The following QTMAN variants were observed in gnomAD, a reference collection of about 807,000 sequenced individuals.
The protein encoded by QTMAN is queuosine-tRNA mannosyltransferase.
the QTMAN span, among the ~76,000 whole-genome samples, chr2:144,179,781 G>A: frequency 9.2e-5 from 14 of 152,304 alleles, no homozygotes; most frequent in South Asian, 2.3e-3. Flanking sequence ...TAATAAATAA[G>A]GGTCTCAGTG....
the QTMAN span, among the ~76,000 whole-genome samples, chr2:144,107,814 T>C: frequency 6.6e-6 from 1 of 152,204 alleles, no homozygotes; most frequent in Non-Finnish European, 1.5e-5. Context: ...AAGAGAATTT[T>C]AGGTCAATAT....
chr2:144,305,505 T>C, the QTMAN span, among the ~76,000 whole-genome samples: 13 of 152,318 alleles, frequency 8.5e-5, no homozygotes, highest in South Asian at 2.3e-3. Flanking sequence ...TACTGTAGCT[T>C]TGTATTAAGT....
chr2:144,016,101 T>A, the QTMAN span, among the ~76,000 whole-genome samples: 1 of 152,164 alleles, frequency 6.6e-6, no homozygotes, highest in Non-Finnish European at 1.5e-5. Flanking sequence ...GTTGACTCAG[T>A]TAGCAAATAT....
the QTMAN span, among the ~76,000 whole-genome samples, chr2:144,134,418 G>A: frequency 6.6e-6 from 1 of 152,102 alleles, no homozygotes; most frequent in Non-Finnish European, 1.5e-5. Flanking sequence ...TTTGATAAAT[G>A]AGATTACCCC....
At chr2:144,298,951 C>A in the QTMAN span, among the ~76,000 whole-genome samples, 1 of 152,160 alleles carries the variant, frequency 6.6e-6, no homozygotes, top group Non-Finnish European at 1.5e-5. Flanking sequence ...CCTGGTGGTA[C>A]ACAAACAGCC....
At chr2:144,109,980 T>C in the QTMAN span, among the ~76,000 whole-genome samples, 1 of 152,234 alleles carries the variant, frequency 6.6e-6, no homozygotes, top group East Asian at 1.9e-4. Context: ...GAAGACAGTG[T>C]GGCGATTCCT....
chr2:144,146,863 T>C, the QTMAN span, among the ~76,000 whole-genome samples: 1 of 151,880 alleles, frequency 6.6e-6, no homozygotes, highest in African/African-American at 2.4e-5. Context: ...TTTTCTAGGA[T>C]CACACTGGTA....
At chr2:144,245,208 A>G in the QTMAN span, among the ~76,000 whole-genome samples, 1 of 152,246 alleles carries the variant, frequency 6.6e-6, no homozygotes, top group East Asian at 1.9e-4. Context: ...CATCTTGGAA[A>G]GTAAAGACTC....
the QTMAN span, chr2:144,332,672 G>A: frequency 7.2e-5 from 11 of 151,794 alleles, no homozygotes; most frequent in African/African-American, 2.7e-4. Context: ...CGAGGTCCCT[G>A]AGTCAGCGGC....
the QTMAN span, among the ~76,000 whole-genome samples, chr2:144,293,599 G>T: frequency 3.3e-5 from 5 of 152,262 alleles, 1 homozygote; most frequent in South Asian, 1.0e-3. Context: ...ATTTCAAACT[G>T]AACTAAGTAA....
At chr2:144,080,610 C>CT in the QTMAN span, among the ~76,000 whole-genome samples, 2 of 152,182 alleles carry the variant, frequency 1.3e-5, no homozygotes, top group African/African-American at 4.8e-5. Context: ...TAAAATGTTG[C>CT]TCACTGAATT....
chr2:144,040,822 C>G, the QTMAN span, among the ~76,000 whole-genome samples: 1 of 152,120 alleles, frequency 6.6e-6, no homozygotes, highest in East Asian at 1.9e-4. Flanking sequence ...TGACTCAAAG[C>G]TTCTTACTCA....
chr2:144,256,475 T>C, the QTMAN span, among the ~76,000 whole-genome samples: 7 of 152,202 alleles, frequency 4.6e-5, no homozygotes, highest in South Asian at 4.1e-4. Flanking sequence ...TTTTAAAAAT[T>C]CATGCATAAA....
At chr2:144,295,331 G>A in the QTMAN span, 1 of 152,206 alleles carries the variant, frequency 6.6e-6, no homozygotes, top group Non-Finnish European at 1.5e-5. Flanking sequence ...CTCTGCTAGA[G>A]ATAGAGAGCA....
At chr2:144,042,686 C>A in the QTMAN span, among the ~76,000 whole-genome samples, 3 of 151,260 alleles carry the variant, frequency 2.0e-5, no homozygotes, top group African/African-American at 4.9e-5. Flanking sequence ...ATGGCGTGAA[C>A]CCGGAAGGCG....
the QTMAN span, among the ~76,000 whole-genome samples, chr2:144,081,239 T>C: frequency 6.6e-6 from 1 of 152,068 alleles, no homozygotes; most frequent in Non-Finnish European, 1.5e-5. Flanking sequence ...AGAGAGGTTG[T>C]CCTGAGGGTT....
the QTMAN span, among the ~76,000 whole-genome samples, chr2:144,275,052 GA>G: frequency 6.6e-6 from 1 of 151,652 alleles, no homozygotes; most frequent in South Asian, 2.1e-4. Flanking sequence ...ATGAGAATAA[GA>G]AAAAAAAGTT....
At chr2:144,084,161 C>T in the QTMAN span, among the ~76,000 whole-genome samples, 2 of 152,186 alleles carry the variant, frequency 1.3e-5, no homozygotes, top group South Asian at 2.1e-4. Flanking sequence ...GCCACGAGGA[C>T]CAGTATTCTT....
chr2:144,208,839 T>C, the QTMAN span: 1 of 1,251,956 alleles, frequency 8.0e-7, no homozygotes, highest in East Asian at 2.4e-5. Flanking sequence ...ATTTTTTCCA[T>C]TACATACATG....
Sources: allele counts gnomAD v4.1 joint callset (sites outside exome capture counted in the v4.1 genomes callset), GRCh38; gene constraint gnomAD v4.1.1; transcripts MANE v1.5; gene names NCBI Gene and HGNC (gene_info 2026-07-23, HGNC 2026-07-21).